Variants in NDUFAF6 observed in about 807,000 individuals in gnomAD.
The protein encoded by NDUFAF6 is NADH:ubiquinone oxidoreductase complex assembly factor 6, also known as NADH dehydrogenase (ubiquinone) complex I, assembly factor 6.
NDUFAF6 carries 45 observed loss-of-function variants against 40.8 expected under a neutral mutation model. That is an observed-to-expected ratio of 1.10 (90% CI 0.87 to 1.42). The LOEUF (loss-of-function observed/expected upper bound fraction) is 1.42, where lower values mean the gene tolerates loss of function less well. Ranked by LOEUF, NDUFAF6 falls within the 40% of genes most tolerant of loss-of-function variation. NDUFAF6 has a pLI of 0.00. For synonymous variants in NDUFAF6, 185 were observed against 155.9 expected (o/e 1.19, Z -1.39); for missense variants, 435 against 418.5 (o/e 1.04, Z -0.34).
downstream of NDUFAF6, among the ~76,000 whole-genome samples, chr8:95,060,049 C>T (rs1256122445): frequency 2.1e-5 from 3 of 144,612 alleles, no homozygotes; most frequent in Non-Finnish European, 3.1e-5. Context: ...TTTAATTACG[C>T]GACTGGATTA....
intron 2 of NDUFAF6, among the ~76,000 whole-genome samples, chr8:94,997,092 G>A (rs1238995695): frequency 6.6e-5 from 10 of 152,158 alleles, no homozygotes; most frequent in Non-Finnish European, 1.0e-4. Flanking sequence ...CAGGAAATAC[G>A]AAGTGGAAAG....
At chr8:95,104,983 G>T (rs1809776923), downstream of NDUFAF6, among the ~76,000 whole-genome samples, 1 of 151,686 alleles carries the variant, frequency 6.6e-6, no homozygotes, top group Non-Finnish European at 1.5e-5. Flanking sequence ...GAGGGTAAGA[G>T]CAAGTCAAAT....
downstream of NDUFAF6, among the ~76,000 whole-genome samples, chr8:95,105,996 C>A (rs913336920): frequency 6.6e-6 from 1 of 151,936 alleles, no homozygotes; most frequent in Admixed American, 6.5e-5. Context: ...TGTGTATGGA[C>A]CAGGTGCGGT....
At chr8:94,980,045 C>A (rs565947620) in intron 1 of NDUFAF6, among the ~76,000 whole-genome samples, 1 of 150,274 alleles carries the variant, frequency 6.7e-6, no homozygotes, top group Non-Finnish European at 1.5e-5. Flanking sequence ...TACAGTGAGC[C>A]GAGATCATGC....
chr8:94,904,320 CTTTTTTTTTTTTTTTTTTTTTTTT>C (rs57749627), intron 1 of NDUFAF6, among the ~76,000 whole-genome samples: 5 of 34,134 alleles, frequency 1.5e-4, no homozygotes, highest in Non-Finnish European at 2.0e-4. Flanking sequence ...ATTTTTTTTG[CTTTTTTTTTTTTTTTTTTTTTTTT>C]TTTTTTTTTT....
chr8:95,068,734 G>C (rs1377993455), intron 9 of NDUFAF6: 1 of 151,828 alleles, frequency 6.6e-6, no homozygotes, highest in Non-Finnish European at 1.5e-5. Context: ...ATGTCCTTGC[G>C]TTCTGCGAGC....
intron 2 of NDUFAF6, among the ~76,000 whole-genome samples, chr8:94,986,101 C>T (rs2131602895): frequency 6.6e-6 from 1 of 152,108 alleles, no homozygotes; most frequent in Admixed American, 6.5e-5. Context: ...TCTCGATCTC[C>T]TGACCTCGTG....
At chr8:95,005,558 AT>A (rs1826941233) in intron 2 of NDUFAF6, among the ~76,000 whole-genome samples, 2 of 75,386 alleles carry the variant, frequency 2.7e-5, no homozygotes, top group African/African-American at 1.1e-4. Context: ...TATATAAAAA[AT>A]ATATTAACAT....
intron 3 of NDUFAF6, 22 bp from the exon 4 acceptor site, chr8:95,041,548 T>G (rs1830146098): frequency 6.8e-7 from 1 of 1,475,962 alleles, no homozygotes; most frequent in East Asian, 2.5e-5. Context: ...TCTAAAAACT[T>G]ATAATGCTCT....
At chr8:95,094,950 GC>G (rs371246090) in intron 2 of NDUFAF6, among the ~76,000 whole-genome samples, 7 of 150,322 alleles carry the variant, frequency 4.7e-5, no homozygotes, top group African/African-American at 1.7e-4. Context: ...TTTGGGGGTG[GC>G]GGGGGGTGTC....
intron 2 of NDUFAF6, among the ~76,000 whole-genome samples, chr8:95,090,514 C>T (rs1809212532): frequency 6.6e-6 from 1 of 152,138 alleles, no homozygotes; most frequent in Non-Finnish European, 1.5e-5. Flanking sequence ...TCTACTCTCC[C>T]CTCCCTGCTT....
chr8:95,036,460 A>G (rs746211892), intron 3 of NDUFAF6: 21 of 1,289,288 alleles, frequency 1.6e-5, no homozygotes, highest in African/African-American at 4.6e-5. Context: ...GAACCCCCCA[A>G]CTGGGGATTG....
chr8:94,958,409 C>G (rs1263159964), intron 1 of NDUFAF6, among the ~76,000 whole-genome samples: 3 of 151,512 alleles, frequency 2.0e-5, no homozygotes, highest in Non-Finnish European at 4.4e-5. Context: ...CTGTGTTTGT[C>G]TGCATCCTAA....
intron 7 of NDUFAF6, among the ~76,000 whole-genome samples, chr8:95,048,945 G>A (rs2131919651): frequency 6.6e-6 from 1 of 152,224 alleles, no homozygotes; most frequent in South Asian, 2.1e-4. Flanking sequence ...CTGATAGGTG[G>A]CCTCTTTTAT....
chr8:94,962,937 C>A (rs1262612530), intron 1 of NDUFAF6, among the ~76,000 whole-genome samples: 1 of 151,846 alleles, frequency 6.6e-6, no homozygotes, highest in African/African-American at 2.4e-5. Context: ...ATTATAGGCA[C>A]CCACCATCAC....
At chr8:94,942,739 C>G (rs977533435) in intron 1 of NDUFAF6, among the ~76,000 whole-genome samples, 12 of 152,144 alleles carry the variant, frequency 7.9e-5, no homozygotes, top group Admixed American at 1.3e-4. Context: ...TGGGTGGACT[C>G]CTGCAATGAC....
chr8:94,924,219 G>A (rs942831821), intron 1 of NDUFAF6, among the ~76,000 whole-genome samples: 4 of 151,920 alleles, frequency 2.6e-5, no homozygotes, highest in Non-Finnish European at 4.4e-5. Flanking sequence ...ACGCCACCAC[G>A]CCCGTCTAAT....
intron 1 of NDUFAF6, among the ~76,000 whole-genome samples, chr8:94,972,798 A>G (rs2131540657): frequency 6.6e-6 from 1 of 150,450 alleles, no homozygotes; most frequent in Non-Finnish European, 1.5e-5. Context: ...TACTCGGGAG[A>G]CTGAGGTGGG....
intron 5 of NDUFAF6, 28 bp downstream of exon 5, chr8:95,045,675 T>C: frequency 1.3e-6 from 2 of 1,550,174 alleles, no homozygotes; most frequent in Non-Finnish European, 1.8e-6. Context: ...TTCATACTTC[T>C]TTTTTCCAAT....
Sources: allele counts gnomAD v4.1 joint callset (sites outside exome capture counted in the v4.1 genomes callset), GRCh38; gene constraint gnomAD v4.1.1; transcripts MANE v1.5; gene names NCBI Gene and HGNC (gene_info 2026-07-23, HGNC 2026-07-21).